The following TENM3 variants were observed in gnomAD, a reference collection of about 807,000 sequenced individuals.
The protein encoded by TENM3 is teneurin transmembrane protein 3, also known as teneurin-3.
In TENM3, 63 loss-of-function variants were observed where a neutral mutation model predicts 255.1. That is an observed-to-expected ratio of 0.25 (90% CI 0.20 to 0.30). The LOEUF is 0.30. TENM3 is among the 10% of genes least tolerant of loss of function. The pLI is 1.00. For synonymous variants in TENM3, 1,306 were observed against 1,322.3 expected (o/e 0.99, Z 0.27); for missense variants, 2,929 against 3,461.1 (o/e 0.85, Z 3.86).
the TENM3 span, among the ~76,000 whole-genome samples, chr4:181,795,340 A>C: frequency 6.6e-6 from 1 of 152,066 alleles, no homozygotes; most frequent in African/African-American, 2.4e-5. Flanking sequence ...GTATACTAAC[A>C]TGACAGAGAC....
the TENM3 span, among the ~76,000 whole-genome samples, chr4:181,803,069 G>A: frequency 6.6e-6 from 1 of 151,664 alleles, no homozygotes; most frequent in African/African-American, 2.4e-5. Context: ...ACATGTATGT[G>A]TTAGAATTTC....
chr4:181,723,186 T>C, the TENM3 span, among the ~76,000 whole-genome samples: 24 of 151,786 alleles, frequency 1.6e-4, no homozygotes, highest in South Asian at 4.4e-3. Flanking sequence ...TTAATTTCAA[T>C]GATTGTACAA....
intron 1 of TENM3, among the ~76,000 whole-genome samples, chr4:182,244,918 T>A (rs1365681372): frequency 2.0e-5 from 3 of 152,272 alleles, no homozygotes; most frequent in Non-Finnish European, 2.9e-5. Context: ...AATGAGAATC[T>A]TGCATTTCTT....
rs1167356175 is a variant in TENM3, at chr4:182,580,359, TACG to T, written c.512-20562_512-20560del. On this transcript the variant is annotated intron_variant, in intron 3 of 27. Coordinates refer to ENST00000511685, the MANE Select transcript of TENM3 (RefSeq NM_001080477.4). ...ACTCTCCTAAATTCACTGTCTCATGTACGACATTATCTCCGACTTCGGCTCTCA... is the reference window on the plus strand; with the variant it reads ...ACTCTCCTAAATTCACTGTCTCATGTACATTATCTCCGACTTCGGCTCTCA... Among the ~76,000 whole-genome samples, 22 of 152,356 alleles carry T rather than the reference TACG, an allele frequency of 1.4e-4. No homozygotes were observed. The East Asian group carries it at 4.2e-3, about 29-fold the overall frequency.
At chr4:181,659,682 C>A in the TENM3 span, among the ~76,000 whole-genome samples, 18 of 152,152 alleles carry the variant, frequency 1.2e-4, no homozygotes, top group Admixed American at 2.6e-4. Flanking sequence ...GTACAGCTAG[C>A]TACAGAATTA....
At chr4:181,551,629 G>C in the TENM3 span, among the ~76,000 whole-genome samples, 52 of 151,982 alleles carry the variant, frequency 3.4e-4, no homozygotes, top group Non-Finnish European at 5.9e-4. Context: ...CAGGGATATA[G>C]GGCAATCGTT....
intron 3 of TENM3, among the ~76,000 whole-genome samples, chr4:182,381,860 C>A (rs1400965238): frequency 4.6e-5 from 7 of 152,200 alleles, no homozygotes; most frequent in Admixed American, 4.6e-4. Context: ...CACACCGGGC[C>A]TATAGCTGTT....
the TENM3 span, among the ~76,000 whole-genome samples, chr4:181,996,889 T>G: frequency 6.6e-6 from 1 of 152,114 alleles, no homozygotes; most frequent in Non-Finnish European, 1.5e-5. Context: ...AAGCAGCTGG[T>G]CTGGACTGAC....
chr4:182,235,527 T>A (rs1323388457), intron 1 of TENM3, among the ~76,000 whole-genome samples: 1 of 151,848 alleles, frequency 6.6e-6, no homozygotes, highest in Admixed American at 6.6e-5. Flanking sequence ...AGATTTAGAG[T>A]AAGAATAGCA....
chr4:181,792,377 C>T, the TENM3 span, among the ~76,000 whole-genome samples: 10 of 152,236 alleles, frequency 6.6e-5, no homozygotes, highest in East Asian at 1.5e-3. Context: ...ATTCTCTGAA[C>T]AAATTCACAA....
At chr4:182,387,621 A>G (rs1471543944) in intron 3 of TENM3, among the ~76,000 whole-genome samples, 1 of 152,136 alleles carries the variant, frequency 6.6e-6, no homozygotes, top group Non-Finnish European at 1.5e-5. Context: ...GAAGATCTGC[A>G]GTTTCACTCC....
chr4:181,652,905 T>C, the TENM3 span, among the ~76,000 whole-genome samples: 7 of 152,248 alleles, frequency 4.6e-5, no homozygotes, highest in Non-Finnish European at 1.0e-4. Context: ...GCCAAGATCT[T>C]TAACCTCTCT....
chr4:182,543,116 G>T (rs1236376557), intron 3 of TENM3, among the ~76,000 whole-genome samples: 1 of 152,180 alleles, frequency 6.6e-6, no homozygotes, highest in Non-Finnish European at 1.5e-5. Context: ...AAACACACCA[G>T]TAATGACTCG....
At position 182,535,672 on chromosome 4, in the gene TENM3, C is replaced by T. The variant is rs1349063311; in HGVS notation, c.512-65252C>T. ...GGAGGGTTACTTGAGCCCAGGAGTT[C>T]GAGGCTGAAGTGAGCTATGATCGCG... On this transcript the variant is annotated intron_variant, in intron 3 of 27. Transcript: ENST00000511685. 5.9e-5 allele frequency among the ~76,000 whole-genome samples: 9 copies of T among 151,274 alleles called. No individual in the cohort carries two copies. The East Asian group carries it at 1.2e-3, about 20-fold the overall frequency.
chr4:182,045,229 C>A, the TENM3 span, among the ~76,000 whole-genome samples: 1 of 152,098 alleles, frequency 6.6e-6, no homozygotes, highest in Non-Finnish European at 1.5e-5. Context: ...TGCCTCCAGA[C>A]TGTAACTTTC....
At chr4:182,168,958 G>T (rs564787073) in intron 1 of TENM3, among the ~76,000 whole-genome samples, 1 of 151,886 alleles carries the variant, frequency 6.6e-6, no homozygotes, top group Non-Finnish European at 1.5e-5. Flanking sequence ...TTGTTTATAT[G>T]TATACTTACA....
chr4:182,112,247 C>A, the TENM3 span, among the ~76,000 whole-genome samples: 2 of 152,114 alleles, frequency 1.3e-5, no homozygotes, highest in Non-Finnish European at 2.9e-5. Context: ...ATAGCGCGCC[C>A]TCCCCAACAA....
intron 3 of TENM3, among the ~76,000 whole-genome samples, chr4:182,491,665 A>G (rs1735311718): frequency 6.6e-6 from 1 of 152,172 alleles, no homozygotes; most frequent in Non-Finnish European, 1.5e-5. Context: ...AAGGTGAATT[A>G]TATTCAGTTG....
At chr4:182,456,612 A>T (rs776051003) in intron 3 of TENM3, among the ~76,000 whole-genome samples, 39 of 152,204 alleles carry the variant, frequency 2.6e-4, no homozygotes, top group Non-Finnish European at 5.3e-4. Context: ...AAAGATACTC[A>T]TGATTATAAT....
Sources: allele counts gnomAD v4.1 joint callset (sites outside exome capture counted in the v4.1 genomes callset), GRCh38; gene constraint gnomAD v4.1.1; transcripts MANE v1.5; gene names NCBI Gene and HGNC (gene_info 2026-07-23, HGNC 2026-07-21).